The following ZMIZ1 variants were observed in gnomAD, a reference collection of about 807,000 sequenced individuals.
ZMIZ1 encodes the protein zinc finger MIZ-type containing 1.
In ZMIZ1, 17 loss-of-function variants were observed where a neutral mutation model predicts 113.9. The ratio of observed to expected loss-of-function variants is 0.15; its 90% CI spans 0.10 to 0.22. The LOEUF is 0.22. Ranked by LOEUF, ZMIZ1 falls within the 10% of genes least tolerant of loss-of-function variation. ZMIZ1 has a pLI of 1.00. For missense variants in ZMIZ1, 1,059 were observed against 1,477.8 expected, an observed-to-expected ratio of 0.72 and a Z score of 4.65; for synonymous variants, 607 against 603.1, an observed-to-expected ratio of 1.01 and a Z score of -0.09.
rs548010244 is a variant in ZMIZ1 at position 79,315,773 on chromosome 10, T to C, written c.*3024T>C. The C allele has an allele frequency of 3.3e-5, 5 of 152,860 alleles. No individual in the cohort carries two copies. Among genetic ancestry groups the C allele is most frequent in the Admixed American group, 1.3e-4 (2 of 15,306 alleles). 9.5% of individuals were successfully genotyped at this position (152,860 alleles called of 1,614,324 possible). A position where few individuals can be genotyped will look rare whatever the true frequency, so the allele number is the denominator to read the frequency against. On this transcript the variant is annotated 3_prime_UTR_variant, in exon 25 of 25. Coordinates refer to ENST00000334512, the MANE Select transcript of ZMIZ1 (RefSeq NM_020338.4). ...GCGACTCAAGGGACGTGTGTACATATGTAAATGAGAAATAGAGACGTGTCA... is the reference window on the plus strand; with the variant it reads ...GCGACTCAAGGGACGTGTGTACATACGTAAATGAGAAATAGAGACGTGTCA...
At chr10:79,274,966 G>A (rs536788116) in intron 7 of ZMIZ1, among the ~76,000 whole-genome samples, 36 of 152,366 alleles carry the variant, frequency 2.4e-4, no homozygotes, top group African/African-American at 8.7e-4. Flanking sequence ...CGAGGGGTGG[G>A]GCGGGCAGCA....
At position 79,293,365 on chromosome 10, in the gene ZMIZ1, C is replaced by A; in HGVS notation, c.958-16C>A. The A allele has an allele frequency of 6.7e-7, 1 of 1,499,282 alleles. No homozygotes were observed. The highest frequency in any genetic ancestry group is 8.9e-7 in the Non-Finnish European group (1 of 1,123,230). 92.9% of individuals were successfully genotyped at this position (1,499,282 alleles called of 1,614,324 possible). A position where few individuals can be genotyped will look rare whatever the true frequency, so the allele number is the denominator to read the frequency against. On this transcript the variant is annotated splice_polypyrimidine_tract_variant and intron_variant, in intron 11 of 24. Coordinates refer to ENST00000334512, the MANE Select transcript of ZMIZ1 (RefSeq NM_020338.4). ...TTTTTTTTCTTCTCCCGTTGAAGGT[C>A]TGTTCCTCTTTCCAGATGGGTCCCA...
chr10:79,233,111 T>C (rs1849459153), intron 7 of ZMIZ1, among the ~76,000 whole-genome samples: 1 of 152,194 alleles, frequency 6.6e-6, no homozygotes, highest in Non-Finnish European at 1.5e-5. Flanking sequence ...CAGGTTTGTC[T>C]GGGGCCCAAG....
In ZMIZ1 at chr10:79,310,953, C is replaced by G. The variant is rs1361716558; in HGVS notation, c.2865C>G (p.Pro955=). The change falls in exon 24 of 25, where the codon CCC becomes CCG. Residue 955 remains proline (P), a synonymous_variant. Transcript: ENST00000334512. ...TMPHAGSSDQ[P]HPSIQQGLHV... Reference sequence around the variant, plus strand: ...CACACGCTGGCAGCTCTGACCAGCCCCACCCCTCCATACAACAAGGTTTGC... The same window carrying G: ...CACACGCTGGCAGCTCTGACCAGCCGCACCCCTCCATACAACAAGGTTTGC... 1 of 1,613,774 alleles carries G rather than the reference C, an allele frequency of 6.2e-7. No individual in the cohort carries two copies. Among genetic ancestry groups the G allele is most frequent in the East Asian group, 2.2e-5 (1 of 44,870 alleles).
At chr10:79,158,436 A>G (rs1233903121) in intron 3 of ZMIZ1, among the ~76,000 whole-genome samples, 53 of 152,334 alleles carry the variant, frequency 3.5e-4, no homozygotes, top group East Asian at 3.9e-4. Context: ...GACTTGCTCA[A>G]GGTCACCCAG....
At chr10:79,153,707 G>A (rs1050279259) in intron 3 of ZMIZ1, among the ~76,000 whole-genome samples, 1 of 152,252 alleles carries the variant, frequency 6.6e-6, no homozygotes, top group Non-Finnish European at 1.5e-5. Context: ...AGAAACTGAG[G>A]CAGAGAGAGG....
At chr10:79,243,557 C>T (rs1326759081) in intron 7 of ZMIZ1, 5 of 146,462 alleles carry the variant, frequency 3.4e-5, no homozygotes. Context: ...CCCGCCCGGG[C>T]CCCCGCGCCG....
intron 11 of ZMIZ1, chr10:79,292,844 A>T (rs1321430694): frequency 4.3e-6 from 2 of 462,010 alleles, no homozygotes; most frequent in Non-Finnish European, 8.7e-6. Flanking sequence ...GGGAGCCCCC[A>T]TAGGAATGCA....
chr10:79,077,623 G>A (rs1335730988), intron 1 of ZMIZ1, among the ~76,000 whole-genome samples: 1 of 152,200 alleles, frequency 6.6e-6, no homozygotes, highest in Non-Finnish European at 1.5e-5. Context: ...CATTTATTGG[G>A]CAACTAATGT....
intron 2 of ZMIZ1, among the ~76,000 whole-genome samples, chr10:79,136,183 G>A (rs922943903): frequency 1.3e-5 from 2 of 152,116 alleles, no homozygotes; most frequent in African/African-American, 2.4e-5. Flanking sequence ...GAAGTCACTC[G>A]TCTCCAGGCC....
chr10:79,141,092 A>AG (rs1845241515), intron 3 of ZMIZ1, among the ~76,000 whole-genome samples: 2 of 152,174 alleles, frequency 1.3e-5, no homozygotes, highest in Non-Finnish European at 2.9e-5. Flanking sequence ...GAGTTCCATA[A>AG]GGCAGTGCTC....
chr10:79,254,001 T>C (rs1250604), intron 7 of ZMIZ1, among the ~76,000 whole-genome samples: 105,904 of 152,226 alleles, frequency 0.7, 37,175 homozygotes, highest in East Asian at 0.92. Context: ...CTTAAATTTT[T>C]ATTTTCAGCC....
At position 79,102,960 on chromosome 10, in the gene ZMIZ1, T is replaced by C. The variant is rs146800109; in HGVS notation, c.-336-15955T>C. Among the ~76,000 whole-genome samples, 11 of 152,294 alleles carry C rather than the reference T, an allele frequency of 7.2e-5. No individual in the cohort carries two copies. In the East Asian group the frequency reaches 2.1e-3, roughly 29 times the overall value. On this transcript the variant is annotated intron_variant, in intron 1 of 24. Coordinates refer to ENST00000334512, the MANE Select transcript of ZMIZ1 (RefSeq NM_020338.4). The stretch of plus-strand genomic sequence containing the variant: ...CAGCTTGAGGAGGTGCTGACCCTCC[T>C]GGGGCTAACATCATTGAGCAGGGCT...
At chr10:79,253,513 T>C (rs1324708704) in intron 7 of ZMIZ1, among the ~76,000 whole-genome samples, 1 of 152,078 alleles carries the variant, frequency 6.6e-6, no homozygotes, top group Non-Finnish European at 1.5e-5. Flanking sequence ...TGCTTCAGAG[T>C]CCAGAAAAGC....
intron 1 of ZMIZ1, among the ~76,000 whole-genome samples, chr10:79,103,303 G>A (rs1320268879): frequency 3.3e-5 from 5 of 152,114 alleles, no homozygotes; most frequent in Admixed American, 2.6e-4. Context: ...CCTGGGGTGG[G>A]GGGCTGTAAA....
chr10:79,137,099 A>G (rs576590235), intron 2 of ZMIZ1, among the ~76,000 whole-genome samples: 22 of 152,340 alleles, frequency 1.4e-4, no homozygotes, highest in African/African-American at 5.1e-4. Context: ...CAGGGCCTCC[A>G]AAATTGTATA....
At chr10:79,171,598 G>A (rs1846606551) in intron 4 of ZMIZ1, among the ~76,000 whole-genome samples, 1 of 152,224 alleles carries the variant, frequency 6.6e-6, no homozygotes, top group South Asian at 2.1e-4. Flanking sequence ...CCACAGGGGA[G>A]CTCACAGTCT....
At chr10:79,225,088 G>T (rs1849149285) in intron 7 of ZMIZ1, among the ~76,000 whole-genome samples, 2 of 152,180 alleles carry the variant, frequency 1.3e-5, no homozygotes, top group South Asian at 4.2e-4. Flanking sequence ...TGAACCCTTG[G>T]CACTCGAGTT....
rs150813713 is a variant in ZMIZ1, at chr10:79,300,137, G to A, written c.1809-595G>A. ...GCAGGAGGACAGAGGTCCCTGGCACGGGACAAACCACTGTGCTGCCTGCCT... is the reference window on the plus strand; with the variant it reads ...GCAGGAGGACAGAGGTCCCTGGCACAGGACAAACCACTGTGCTGCCTGCCT... On this transcript the variant is annotated intron_variant, in intron 16 of 24. Coordinates refer to ENST00000334512, the MANE Select transcript of ZMIZ1 (RefSeq NM_020338.4). Among the ~76,000 whole-genome samples, 495 of 152,344 alleles carry A rather than the reference G, an allele frequency of 3.2e-3. 3 individuals are homozygous for A. The highest frequency in any genetic ancestry group is 0.011 in the African/African-American group (457 of 41,580).
Sources: allele counts gnomAD v4.1 joint callset (sites outside exome capture counted in the v4.1 genomes callset), GRCh38; gene constraint gnomAD v4.1.1; transcripts MANE v1.5; gene names NCBI Gene and HGNC (gene_info 2026-07-23, HGNC 2026-07-21).